The following RHBDF2 variants were observed in gnomAD, a reference collection of about 807,000 sequenced individuals.
RHBDF2 encodes rhomboid 5 homolog 2.
In RHBDF2, 38 loss-of-function variants were observed where a neutral mutation model predicts 95.2. The observed-to-expected ratio is 0.40, with a 90% CI of 0.31 to 0.52. The LOEUF (loss-of-function observed/expected upper bound fraction) is 0.52. Ranked by LOEUF, RHBDF2 falls within the 20% of genes least tolerant of loss-of-function variation. The pLI is 0.56. For synonymous variants in RHBDF2, 442 were observed against 462.0 expected, an observed-to-expected ratio of 0.96 and a Z score of 0.55; for missense variants, 863 against 1,137.7, an observed-to-expected ratio of 0.76 and a Z score of 3.47.
intron 1 of RHBDF2, among the ~76,000 whole-genome samples, chr17:76,492,738 G>T (rs547961648): frequency 6.6e-6 from 1 of 152,320 alleles, no homozygotes; most frequent in Admixed American, 6.5e-5. Context: ...ACAAGCCCTG[G>T]GCTCTATGGG....
chr17:76,473,657 G>A lies in RHBDF2; in HGVS notation c.1724C>T (p.Thr575Ile), dbSNP rs2073664839. 1.2e-6 allele frequency: 2 copies of A among 1,608,320 alleles called. No individual in the cohort carries two copies. The highest frequency in any genetic ancestry group is 1.7e-6 in the Non-Finnish European group (2 of 1,178,002). Residue 575 changes from threonine to isoleucine, a missense_variant, in exon 15 of 19, where the codon ACC (threonine) becomes ATC (isoleucine). By Grantham distance (89) the Thr-to-Ile change is moderately conservative (BLOSUM62 -1). Coordinates refer to ENST00000675367, the MANE Select transcript of RHBDF2 (RefSeq NM_001005498.4). ...EIKGRPCCIG[T>I]KGSCEITTRE... ...GGCCCAGGTCGCTCACCTGCCCTTG[G>A]TGCCGATGCAGCAGGGGCGGCCCTT... is the stretch of plus-strand genomic sequence containing the variant.
At chr17:76,481,171 G>A (rs921432504) in intron 3 of RHBDF2, among the ~76,000 whole-genome samples, 24 of 152,222 alleles carry the variant, frequency 1.6e-4, no homozygotes, top group African/African-American at 2.4e-5. Flanking sequence ...TGACCACGAT[G>A]AGAGTGAGCC....
intron 2 of RHBDF2, among the ~76,000 whole-genome samples, chr17:76,483,161 T>C (rs2074021350): frequency 6.6e-6 from 1 of 152,184 alleles, no homozygotes; most frequent in Non-Finnish European, 1.5e-5. Flanking sequence ...GCAATTCTCT[T>C]GCCTCAGCCT....
At chr17:76,497,243 C>T (rs534890478) in intron 1 of RHBDF2, among the ~76,000 whole-genome samples, 1 of 152,226 alleles carries the variant, frequency 6.6e-6, no homozygotes, top group Non-Finnish European at 1.5e-5. Flanking sequence ...TTACCCTGCT[C>T]CCAGCCCCAG....
At chr17:76,498,839 TGTGTGTTTG>T in intron 1 of RHBDF2, among the ~76,000 whole-genome samples, 1 of 143,358 alleles carries the variant, frequency 7.0e-6, no homozygotes, top group African/African-American at 2.9e-5. Flanking sequence ...TGTGTGTGTC[TGTGTGTTTG>T]TGTGTGTCTC....
chr17:76,474,691 C>T (rs1446524823), intron 11 of RHBDF2, 39 bp downstream of exon 11: 1 of 1,614,036 alleles, frequency 6.2e-7, no homozygotes, highest in Non-Finnish European at 8.5e-7. Context: ...GGCACAGGGA[C>T]TCCTGGCTCA....
At chr17:76,488,803 C>T (rs1299774664) in intron 1 of RHBDF2, among the ~76,000 whole-genome samples, 1 of 152,050 alleles carries the variant, frequency 6.6e-6, no homozygotes, top group Non-Finnish European at 1.5e-5. Flanking sequence ...AAAAAAGTAG[C>T]CGGGTGTGGT....
At position 76,471,627 on chromosome 17, in the gene RHBDF2, C is replaced by T; in HGVS notation, c.*6G>A. ...AGGGCTGAGGGGCAGCCGTGTGGCC[C>T]AGCGGTCAGTGCAGCACCTGGTCCA... On this transcript the variant is annotated 3_prime_UTR_variant, in exon 19 of 19. Transcript: ENST00000675367. 4 of 1,579,568 alleles carry T rather than the reference C, an allele frequency of 2.5e-6. No homozygotes were observed. The South Asian group carries it at 4.7e-5, about 19-fold the overall frequency.
intron 2 of RHBDF2, among the ~76,000 whole-genome samples, chr17:76,486,415 T>TA (rs2074131555): frequency 6.6e-6 from 1 of 152,124 alleles, no homozygotes; most frequent in South Asian, 2.1e-4. Flanking sequence ...TCTGTGAATA[T>TA]ATCAAAATCA....
intron 1 of RHBDF2, among the ~76,000 whole-genome samples, chr17:76,489,879 G>A (rs921079613): frequency 6.6e-6 from 1 of 152,212 alleles, no homozygotes; most frequent in African/African-American, 2.4e-5. Context: ...GTGTAGCTAG[G>A]ACGCCCGATG....
chr17:76,471,482 C>A lies in RHBDF2; in HGVS notation c.*151G>T. On this transcript the variant is annotated 3_prime_UTR_variant, in exon 19 of 19. Transcript: ENST00000675367. Reference sequence around the variant, plus strand: ...AACCAACCATCTCACGCGGAGTCAGCCTCGCCTGGCAGGGGGGCACCCAGG... The same window carrying A: ...AACCAACCATCTCACGCGGAGTCAGACTCGCCTGGCAGGGGGGCACCCAGG... The A allele has an allele frequency of 1.2e-6, 1 of 848,968 alleles. No homozygotes were observed. The allele number at this position is 848,968 out of a possible 1,614,324, so 52.6% of individuals were successfully genotyped here.
rs2074036472 is a variant in RHBDF2 at position 76,483,618 on chromosome 17, AT to A, written c.-21-2074del. On this transcript the variant is annotated intron_variant, in intron 2 of 18. Transcript: ENST00000675367. ...CTTGTCTTTTTTGATGAATGCAAAG[AT>A]TTCATAAGTGGAATGCACCAAGATT... Among the ~76,000 whole-genome samples the A allele has an allele frequency of 3.3e-5, 5 of 152,256 alleles. No individual in the cohort carries two copies. The South Asian group carries it at 1.0e-3, about 32-fold the overall frequency.
In RHBDF2 at chr17:76,481,403, G is replaced by C; in HGVS notation, c.122C>G (p.Pro41Arg). 1 of 1,612,596 alleles carries C rather than the reference G, an allele frequency of 6.2e-7. No individual in the cohort carries two copies. The highest frequency in any genetic ancestry group is 8.5e-7 in the Non-Finnish European group (1 of 1,179,972). ...AGGCAGCATGCTGTCCTGCTCGCCA[G>C]GGGCCTGGGTCTCTTTCTCGGGTGG... ...IPPPEKETQA[P>R]GEQDSMLPER... Residue 41 changes from proline (P) to arginine (R), a missense_variant, in exon 3 of 19, where the codon CCT (proline) becomes CGT (arginine). Transcript: ENST00000675367.
chr17:76,472,553 T>C (rs1473627076), intron 18 of RHBDF2, 133 bp downstream of exon 18: 1 of 1,149,922 alleles, frequency 8.7e-7, no homozygotes, highest in Non-Finnish European at 1.3e-6. Flanking sequence ...GCCCCCAGAT[T>C]AGCTGTCCCT....
At chr17:76,479,335 G>C (rs750156384) in intron 4 of RHBDF2, 58 bp from the exon 5 acceptor site, 1 of 1,544,248 alleles carries the variant, frequency 6.5e-7, no homozygotes, top group Non-Finnish European at 8.7e-7. Flanking sequence ...GTGCACCTGA[G>C]TGTGTGGAAG....
chr17:76,472,414 G>A (rs759070305), intron 18 of RHBDF2: 8 of 595,828 alleles, frequency 1.3e-5, no homozygotes, highest in Non-Finnish European at 2.1e-5. Context: ...CCTACCGCTC[G>A]ACCTGCAGAT....
In RHBDF2 at chr17:76,471,980, G is replaced by C. The variant is rs1329940914; in HGVS notation, c.2137C>G (p.Leu713Val). ...FVELFQSWPL[L>V]ERPWKAFLNL... ...AGGAAGGCCTTCCAGGGCCTCTCCA[G>C]CAGCGGCCAGCTCTGGAAGAGCTCC... Residue 713 changes from leucine to valine, a missense_variant, in exon 19 of 19, where the codon CTG becomes GTG. Around this residue, in one of 2 missense-constraint regions of RHBDF2, gnomAD observed 252 missense variants for 412.2 expected, o/e 0.61. Transcript: ENST00000675367. 1 of 1,573,836 alleles carries C rather than the reference G, an allele frequency of 6.4e-7. No individual in the cohort carries two copies. The highest frequency in any genetic ancestry group is 8.6e-7 in the Non-Finnish European group (1 of 1,159,456).
intron 1 of RHBDF2, among the ~76,000 whole-genome samples, chr17:76,488,911 G>A (rs1334970709): frequency 6.6e-6 from 1 of 152,082 alleles, no homozygotes; most frequent in Non-Finnish European, 1.5e-5. Flanking sequence ...TCGCGCCATT[G>A]TACTCCAGCC....
chr17:76,497,610 C>T (rs113630460), intron 1 of RHBDF2, among the ~76,000 whole-genome samples: 82 of 152,220 alleles, frequency 5.4e-4, no homozygotes, highest in Admixed American at 2.7e-3. Context: ...ACCATTATCA[C>T]GATGGCTCCC....
Sources: gnomAD v4.1 joint callset for allele counts (sites outside exome capture counted in the v4.1 genomes callset) on GRCh38, gnomAD v4.1.1 for gene constraint, gnomAD v4.1.1 regional missense constraint, MANE v1.5 for transcripts, NCBI Gene and HGNC (gene_info 2026-07-23, HGNC 2026-07-21) for gene names.